The following CACNA1A variants were observed in gnomAD, a reference collection of about 807,000 sequenced individuals.
The protein encoded by CACNA1A is voltage-dependent P/Q-type calcium channel subunit alpha-1A.
In CACNA1A, 57 loss-of-function variants were observed where a neutral mutation model predicts 262.4. The observed-to-expected ratio is 0.22, with a 90% CI of 0.18 to 0.27. The LOEUF is 0.27. Ranked by LOEUF, CACNA1A falls within the 10% of genes least tolerant of loss-of-function variation. The pLI, the probability that CACNA1A is intolerant of heterozygous loss-of-function variation, is 1.00. For synonymous variants in CACNA1A, 1,431 were observed against 1,419.3 expected, an observed-to-expected ratio of 1.01 and a Z score of -0.18; for missense variants, 2,526 against 3,562.8, an observed-to-expected ratio of 0.71 and a Z score of 7.41.
chr19:13,480,363 T>G (rs1212212346), intron 1 of CACNA1A, among the ~76,000 whole-genome samples: 1 of 152,240 alleles, frequency 6.6e-6, no homozygotes, highest in Non-Finnish European at 1.5e-5. Context: ...ATATTTTCTC[T>G]TCCTTATGAT....
At chr19:13,336,685 T>C (rs1269968332) in intron 6 of CACNA1A, among the ~76,000 whole-genome samples, 2 of 150,376 alleles carry the variant, frequency 1.3e-5, no homozygotes, top group East Asian at 3.9e-4. Context: ...TATGGTGTGC[T>C]GGCACCTTCC....
intron 3 of CACNA1A, among the ~76,000 whole-genome samples, chr19:13,435,576 A>C (rs1435611068): frequency 6.6e-6 from 1 of 152,138 alleles, no homozygotes; most frequent in Non-Finnish European, 1.5e-5. Context: ...CCAGATGTAC[A>C]CTGGGGACAA....
In CACNA1A at chr19:13,235,606, G is replaced by A; in HGVS notation, c.5067+8C>T. The A allele has an allele frequency of 6.3e-7, 1 of 1,588,420 alleles. No homozygotes were observed. Among genetic ancestry groups the A allele is most frequent in the Non-Finnish European group, 8.6e-7 (1 of 1,156,640 alleles). On this transcript the variant is annotated splice_region_variant and intron_variant, in intron 32 of 46. Transcript: ENST00000360228. The stretch of plus-strand genomic sequence containing the variant: ...AGCCCTGGGCCAGCAGCAGGGACGA[G>A]GACTCACCTTGAAGGACTGCACAAA...
At chr19:13,335,991 G>A (rs537656851) in intron 6 of CACNA1A, 82 bp from the exon 7 acceptor site, 28 of 792,042 alleles carry the variant, frequency 3.5e-5, no homozygotes, top group East Asian at 1.6e-4. Context: ...GGGGAAGCTC[G>A]GTTCTCTTGT....
chr19:13,282,580 T>C (rs892099494), intron 22 of CACNA1A, among the ~76,000 whole-genome samples: 1 of 151,618 alleles, frequency 6.6e-6, no homozygotes, highest in Admixed American at 6.6e-5. Flanking sequence ...GTGGGAGCTT[T>C]GGGGGATGCA....
rs1275097177 is a variant in CACNA1A at position 13,255,207 on chromosome 19, G to A, written c.4643C>T (p.Pro1548Leu). 6.2e-7 allele frequency: 1 copy of A among 1,611,884 alleles called. No homozygotes were observed. Among genetic ancestry groups the A allele is most frequent in the Non-Finnish European group, 8.5e-7 (1 of 1,178,160 alleles). Residue 1548 changes from proline (P) to leucine (L), a missense_variant, in exon 29 of 47, where the codon CCG (proline) becomes CTG (leucine). This residue lies in a region of CACNA1A where 36 missense variants were observed against 47.3 expected (regional missense o/e 0.76). Coordinates refer to ENST00000360228, the MANE Select transcript of CACNA1A (RefSeq NM_001127222.2). The part of the protein sequence containing the change: ...ISAKPLTRHM[P>L]QNKQSFQYRM... ...GTACTGGAAGCTCTGCTTGTTCTGC[G>A]GCATGTGTCGGGTCAGCGGCTTGGC...
chr19:13,248,856 T>A lies in CACNA1A; in HGVS notation c.4867-3591A>T, dbSNP rs67564324. ...AGAATCCATCTCAAAAAAAAAAAAA[T>A]AATAATAAATTACAGATTCAGTGAT... On this transcript the variant is annotated intron_variant, in intron 30 of 46. Coordinates refer to ENST00000360228, the MANE Select transcript of CACNA1A (RefSeq NM_001127222.2). 2.9e-3 allele frequency among the ~76,000 whole-genome samples: 252 copies of A among 87,284 alleles called. 1 individual carries two copies. Among genetic ancestry groups the A allele is most frequent in the East Asian group, 0.022 (58 of 2,638 alleles). 57.3% of individuals were successfully genotyped at this position (87,284 alleles called of 152,430 possible). A position where few individuals can be genotyped will look rare whatever the true frequency, so the allele number is the denominator to read the frequency against.
At chr19:13,257,312 C>T in intron 28 of CACNA1A, 38 bp downstream of exon 28, 1 of 1,551,814 alleles carries the variant, frequency 6.4e-7, no homozygotes, top group Non-Finnish European at 8.9e-7. Context: ...TGTGTGTGTC[C>T]CCAGTTTTTA....
chr19:13,474,548 G>C (rs1236887748), intron 1 of CACNA1A, among the ~76,000 whole-genome samples: 2 of 152,246 alleles, frequency 1.3e-5, no homozygotes, highest in African/African-American at 4.8e-5. Flanking sequence ...GCCAGGTGTG[G>C]TGGCTTACGC....
chr19:13,219,944 C>A lies in CACNA1A; in HGVS notation c.5731+4723G>T, dbSNP rs1435000008. ...CAGCCTGGGTGACAGAACAAGACTC[C>A]GTTTCAAAAAAAAAAAAAAAAAGAA... On this transcript the variant is annotated intron_variant, in intron 38 of 46. Transcript: ENST00000360228. Among the ~76,000 whole-genome samples the A allele has an allele frequency of 3.7e-5, 3 of 81,996 alleles. No individual in the cohort carries two copies. In the Admixed American group the frequency reaches 4.7e-4, roughly 13 times the overall value. 53.8% of individuals were successfully genotyped at this position (81,996 alleles called of 152,430 possible). A position where few individuals can be genotyped will look rare whatever the true frequency, so the allele number is the denominator to read the frequency against.
chr19:13,368,085 C>T lies in CACNA1A; in HGVS notation c.632-2616G>A, dbSNP rs188877869. 5.0e-3 allele frequency among the ~76,000 whole-genome samples: 767 copies of T among 152,100 alleles called. 4 individuals are homozygous for T. The highest frequency in any genetic ancestry group is 7.4e-3 in the Non-Finnish European group (502 of 67,996). ...ATCCCAGCACTTTGGGAGGCTGAGGCGGGTGGATCACTTGAACTCAGGAGT... is the reference window on the plus strand; with the variant it reads ...ATCCCAGCACTTTGGGAGGCTGAGGTGGGTGGATCACTTGAACTCAGGAGT... On this transcript the variant is annotated intron_variant, in intron 4 of 46. Transcript: ENST00000360228.
chr19:13,455,123 G>A lies in CACNA1A; in HGVS notation c.383C>T (p.Pro128Leu), dbSNP rs779447041. ...ATCACTCACCAGCCGTTCAGACATC[G>A]GGGTCTTGTCATCATCAGGCAGATG... Reference protein sequence around the residue: ...EQHLPDDDKTPMSERLDDTEP... With the variant: ...EQHLPDDDKTLMSERLDDTEP... The change falls in exon 2 of 47, where the codon CCG (proline) becomes CTG (leucine). Residue 128 changes from proline (P) to leucine (L), a missense_variant. By Grantham distance (98) the Pro-to-Leu change is moderately conservative. Transcript: ENST00000360228. 1.9e-5 allele frequency: 30 copies of A among 1,606,558 alleles called. No homozygotes were observed. The highest frequency in any genetic ancestry group is 1.6e-4 in the Middle Eastern group (1 of 6,066).
intron 3 of CACNA1A, among the ~76,000 whole-genome samples, chr19:13,410,395 T>TA (rs998174900): frequency 1.3e-5 from 2 of 151,408 alleles, no homozygotes; most frequent in East Asian, 3.9e-4. Context: ...CCCAGCTAAT[T>TA]AAAAAAAAAT....
chr19:13,494,910 T>C (rs937825684), intron 1 of CACNA1A, among the ~76,000 whole-genome samples: 1 of 152,032 alleles, frequency 6.6e-6, no homozygotes, highest in Non-Finnish European at 1.5e-5. Flanking sequence ...CAATTTGAGA[T>C]GAGATTTGGG....
At chr19:13,390,713 G>A (rs149252084) in intron 3 of CACNA1A, among the ~76,000 whole-genome samples, 1 of 151,748 alleles carries the variant, frequency 6.6e-6, no homozygotes, top group Non-Finnish European at 1.5e-5. Context: ...TATTCTAAAT[G>A]ATTTATAAAT....
chr19:13,232,690 C>A (rs2055709293), intron 34 of CACNA1A, among the ~76,000 whole-genome samples: 1 of 149,688 alleles, frequency 6.7e-6, no homozygotes, highest in Admixed American at 6.7e-5. Flanking sequence ...GAGATCGCGC[C>A]ACTGCACTCC....
In CACNA1A at chr19:13,298,810, C is replaced by T. The variant is rs374511141; in HGVS notation, c.2823G>A (p.Glu941=). 1.7e-4 allele frequency: 260 copies of T among 1,565,216 alleles called. No individual in the cohort carries two copies. In the African/African-American group the frequency reaches 2.8e-3, roughly 17 times the overall value. ...CCGTGCGCGGGGACCCGCTGCGGCT[C>T]TCCCTGCTGCCCCCCTGCCGGTGCA... ...RHVHRQGGSR[E]SRSGSPRTGA... is the part of the protein sequence containing the mutation. Residue 941 remains glutamate (E), a synonymous_variant, in exon 19 of 47, where the codon GAG becomes GAA. Coordinates refer to ENST00000360228, the MANE Select transcript of CACNA1A (RefSeq NM_001127222.2).
chr19:13,417,096 C>A (rs576618413), intron 3 of CACNA1A, among the ~76,000 whole-genome samples: 1 of 152,136 alleles, frequency 6.6e-6, no homozygotes, highest in Admixed American at 6.5e-5. Flanking sequence ...CCAGAGAGAC[C>A]GTCACCCTCT....
At chr19:13,398,743 G>A (rs1285109175) in intron 3 of CACNA1A, among the ~76,000 whole-genome samples, 2 of 152,210 alleles carry the variant, frequency 1.3e-5, no homozygotes, top group Non-Finnish European at 2.9e-5. Flanking sequence ...TCTTTTTGTG[G>A]ACAGAGTGAG....
Sources: allele counts gnomAD v4.1 joint callset (sites outside exome capture counted in the v4.1 genomes callset), GRCh38; gene constraint gnomAD v4.1.1; regional missense constraint gnomAD v4.1.1; transcripts MANE v1.5; gene names NCBI Gene and HGNC (gene_info 2026-07-23, HGNC 2026-07-21).